The following DST variants were observed in gnomAD, a reference collection of about 807,000 sequenced individuals.
DST encodes the protein bullous pemphigoid antigen.
Under a neutral mutation model 875.2 loss-of-function variants are expected in DST, and 253 were observed. The observed-to-expected ratio is 0.29, with a 90% CI of 0.26 to 0.32. The LOEUF (loss-of-function observed/expected upper bound fraction) is 0.32. Ranked by LOEUF, DST falls within the 10% of genes least tolerant of loss-of-function variation. The pLI is 1.00. For missense variants in DST, 8,287 were observed against 9,111.6 expected (o/e 0.91, Z 3.68); for synonymous variants, 3,124 against 3,197.1 (o/e 0.98, Z 0.77).
chr6:56,816,816 A>AT (rs35624872), intron 4 of DST, among the ~76,000 whole-genome samples: 9,086 of 144,434 alleles, frequency 0.063, 819 homozygotes, highest in African/African-American at 0.2. Context: ...AAATAGGCTG[A>AT]TTTTTTTTTT....
chr6:56,711,109 G>T (rs913133923), intron 5 of DST, among the ~76,000 whole-genome samples: 3 of 151,974 alleles, frequency 2.0e-5, no homozygotes, highest in Non-Finnish European at 4.4e-5. Flanking sequence ...TCTCTTTTTA[G>T]CTTTTGGGTA....
rs141136267 is a variant in DST at position 56,576,578 on chromosome 6, G to A, written c.13027+2236C>T. ...TCTGTTGGAGAATTGTTTGGTGTAT[G>A]GGGAGAAATACACACACATCTGGTC... On this transcript the variant is annotated intron_variant, in intron 50 of 103. Coordinates refer to ENST00000680361, the MANE Select transcript of DST (RefSeq NM_001374736.1). Among the ~76,000 whole-genome samples the A allele has an allele frequency of 8.7e-3, 1,330 of 152,206 alleles. 13 individuals carry two copies. Among genetic ancestry groups the A allele is most frequent in the Middle Eastern group, 0.044 (13 of 294 alleles).
chr6:56,954,732 C>T lies in DST; in HGVS notation c.-145G>A. 1 of 311,608 alleles carries T rather than the reference C, an allele frequency of 3.2e-6. No individual in the cohort carries two copies. The highest frequency in any genetic ancestry group is 4.8e-6 in the Non-Finnish European group (1 of 207,108). The allele number at this position is 311,608 out of a possible 1,614,324, so 19.3% of individuals were successfully genotyped here. A position where few individuals can be genotyped will look rare whatever the true frequency, so the allele number is the denominator to read the frequency against. Reference sequence around the variant, plus strand: ...GGCGCTCGCGGCCCCGCGCCCAGCCCAATGGCTGCGCACCCCGCGCCAGCC... The same window carrying T: ...GGCGCTCGCGGCCCCGCGCCCAGCCTAATGGCTGCGCACCCCGCGCCAGCC... On this transcript the variant is annotated 5_prime_UTR_variant, in exon 1 of 104. Transcript: ENST00000680361.
chr6:56,892,328 T>G (rs1787985469), intron 3 of DST, among the ~76,000 whole-genome samples: 1 of 150,336 alleles, frequency 6.7e-6, no homozygotes, highest in African/African-American at 2.5e-5. Context: ...ATCCCTTTTT[T>G]TTTTTTTTTT....
chr6:56,856,266 C>T (rs1767813688), intron 3 of DST, among the ~76,000 whole-genome samples: 1 of 152,126 alleles, frequency 6.6e-6, no homozygotes, highest in African/African-American at 2.4e-5. Flanking sequence ...GGATGCCGCC[C>T]AGCCTTAGCA....
chr6:56,856,022 G>A (rs1297936098), intron 3 of DST, among the ~76,000 whole-genome samples: 1 of 152,112 alleles, frequency 6.6e-6, no homozygotes, highest in Non-Finnish European at 1.5e-5. Context: ...ACTATATTGT[G>A]TCTTCTACAA....
chr6:56,642,513 G>A lies in DST; in HGVS notation c.1779-10C>T. On this transcript the variant is annotated splice_polypyrimidine_tract_variant and intron_variant, in intron 15 of 103. Coordinates refer to ENST00000680361, the MANE Select transcript of DST (RefSeq NM_001374736.1). ...TTGCAACATTTCTAACCTAAAAGAT[G>A]AGACAAAATAAAATAAAGCTTCTCC... 6.2e-7 allele frequency: 1 copy of A among 1,610,616 alleles called. No individual in the cohort carries two copies. The highest frequency in any genetic ancestry group is 1.7e-5 in the Admixed American group (1 of 59,986).
chr6:56,722,368 G>GTTTGTTTGTTTGTTTGTTTA (rs376637331), intron 5 of DST, among the ~76,000 whole-genome samples: 12 of 150,596 alleles, frequency 8.0e-5, no homozygotes, highest in Admixed American at 5.3e-4. Context: ...GTACATGTTT[G>GTTTGTTTGTTTGTTTGTTTA]TTTATTTATT....
At chr6:56,911,020 G>C (rs1798621085) in intron 2 of DST, among the ~76,000 whole-genome samples, 1 of 152,038 alleles carries the variant, frequency 6.6e-6, no homozygotes, top group Non-Finnish European at 1.5e-5. Flanking sequence ...TAAACAAAAG[G>C]CTCCACCCAC....
intron 4 of DST, among the ~76,000 whole-genome samples, chr6:56,739,207 T>C (rs1176135324): frequency 6.6e-6 from 1 of 150,946 alleles, no homozygotes; most frequent in African/African-American, 2.4e-5. Flanking sequence ...ACAATCCAAC[T>C]GAGGAAAACA....
intron 9 of DST, among the ~76,000 whole-genome samples, chr6:56,695,281 C>A (rs1363113559): frequency 6.6e-6 from 1 of 152,074 alleles, no homozygotes; most frequent in Non-Finnish European, 1.5e-5. Flanking sequence ...TTACCAGAAG[C>A]AGATGCCAGG....
At position 56,517,619 on chromosome 6, in the gene DST, A is replaced by G; in HGVS notation, c.18131T>C (p.Phe6044Ser). The change falls in exon 70 of 104, where the codon TTT becomes TCT. Residue 6044 changes from phenylalanine to serine, a missense_variant and splice_region_variant. Phe to Ser is a radical substitution (Grantham distance 155). This residue lies in a region of DST where 777 missense variants were observed against 764.8 expected (regional missense o/e 1.02). Transcript: ENST00000680361. Reference sequence around the variant, plus strand: ...TAACTCAGCATCAGCTGCTTGGTCAAACTAAACAAAAGATAAATAATTAGG... The same window carrying G: ...TAACTCAGCATCAGCTGCTTGGTCAGACTAAACAAAAGATAAATAATTAGG... ...IDAAILRSQQFDQAADAELSW... is the reference protein window; with the variant it reads ...IDAAILRSQQSDQAADAELSW... 6.2e-7 allele frequency: 1 copy of G among 1,611,806 alleles called. No homozygotes were observed. Among genetic ancestry groups the G allele is most frequent in the Non-Finnish European group, 8.5e-7 (1 of 1,179,044 alleles).
chr6:56,887,953 CT>C (rs34720092), intron 3 of DST, among the ~76,000 whole-genome samples: 5,890 of 139,298 alleles, frequency 0.042, 265 homozygotes, highest in African/African-American at 0.13. Context: ...TAAATGAAAT[CT>C]TTTTTTTTTT....
At chr6:56,938,631 T>C (rs1432282932) in intron 2 of DST, among the ~76,000 whole-genome samples, 1 of 152,172 alleles carries the variant, frequency 6.6e-6, no homozygotes, top group Non-Finnish European at 1.5e-5. Context: ...CACAATACTA[T>C]GTAACTCCTC....
intron 2 of DST, among the ~76,000 whole-genome samples, chr6:56,931,168 T>C (rs1224073881): frequency 6.6e-6 from 1 of 152,030 alleles, no homozygotes; most frequent in Non-Finnish European, 1.5e-5. Flanking sequence ...AGGCAAAGGG[T>C]ATTTTGGAAG....
At chr6:56,511,853 A>AC (rs2096484000) in intron 72 of DST, among the ~76,000 whole-genome samples, 1 of 151,838 alleles carries the variant, frequency 6.6e-6, no homozygotes, top group African/African-American at 2.4e-5. Context: ...GAGAGACAAG[A>AC]CGGGGGGAAG....
At chr6:56,632,062 G>T (rs770533854) in intron 28 of DST, 22 bp from the exon 29 acceptor site, 10 of 1,588,444 alleles carry the variant, frequency 6.3e-6, no homozygotes, top group Non-Finnish European at 8.6e-6. Flanking sequence ...AATATGTTTA[G>T]AAAATACCTT....
Position 56,594,205 on chromosome 6 carries a change from C to A in DST, c.12196-12G>T. On this transcript the variant is annotated splice_polypyrimidine_tract_variant and intron_variant, in intron 47 of 103. Transcript: ENST00000680361. ...TTCTCGTGTTGGGCCTATGTGAAAA[C>A]AAATTGATCATAATCTTCAAGCAGT... is the stretch of plus-strand genomic sequence containing the variant. 6.6e-7 allele frequency: 1 copy of A among 1,507,348 alleles called. No homozygotes were observed. The highest frequency in any genetic ancestry group is 8.8e-7 in the Non-Finnish European group (1 of 1,135,746). 93.4% of individuals were successfully genotyped at this position (1,507,348 alleles called of 1,614,324 possible). A position where few individuals can be genotyped will look rare whatever the true frequency, so the allele number is the denominator to read the frequency against.
intron 9 of DST, among the ~76,000 whole-genome samples, chr6:56,682,329 T>C (rs930135052): frequency 2.6e-5 from 4 of 152,126 alleles, no homozygotes; most frequent in African/African-American, 9.7e-5. Context: ...TGAGGCACCG[T>C]ACCTGGCTTA....
Sources: gnomAD v4.1 joint callset for allele counts (sites outside exome capture counted in the v4.1 genomes callset) on GRCh38, gnomAD v4.1.1 for gene constraint, gnomAD v4.1.1 regional missense constraint, MANE v1.5 for transcripts, NCBI Gene and HGNC (gene_info 2026-07-23, HGNC 2026-07-21) for gene names.